RALGAPA1: variants seen among roughly 807,000 people sequenced by gnomAD.
RALGAPA1 encodes the protein Ral GTPase activating protein catalytic subunit alpha 1.
Under a neutral mutation model 269.6 loss-of-function variants are expected in RALGAPA1, and 52 were observed. The ratio of observed to expected loss-of-function variants is 0.19; its 90% CI spans 0.15 to 0.24. RALGAPA1 has a LOEUF of 0.24. Among genes scored for constraint, RALGAPA1 ranks in the 10% least tolerant of loss-of-function variants. RALGAPA1 has a pLI of 1.00. For synonymous variants in RALGAPA1, 817 were observed against 1,008.3 expected, an observed-to-expected ratio of 0.81 and a Z score of 3.60; for missense variants, 1,917 against 3,013.9, an observed-to-expected ratio of 0.64 and a Z score of 8.52.
chr14:35,647,213 C>G (rs1415862389), intron 31 of RALGAPA1, among the ~76,000 whole-genome samples: 1 of 152,040 alleles, frequency 6.6e-6, no homozygotes, highest in Non-Finnish European at 1.5e-5. Flanking sequence ...ACTGCTGGCA[C>G]GTGATTTTAA....
intron 38 of RALGAPA1, 120 bp downstream of exon 38, chr14:35,572,440 T>A: frequency 1.4e-6 from 1 of 704,998 alleles, no homozygotes. Flanking sequence ...TATGTAACAT[T>A]TACCCTCAGT....
intron 10 of RALGAPA1, among the ~76,000 whole-genome samples, chr14:35,745,715 G>A (rs2072012324): frequency 7.7e-6 from 1 of 129,764 alleles, no homozygotes; most frequent in Non-Finnish European, 1.5e-5. Context: ...AGTGAGCCGA[G>A]ATAGTGCCAC....
chr14:35,795,658 T>C lies in RALGAPA1; in HGVS notation c.106+13072A>G, dbSNP rs555755214. 3.9e-5 allele frequency among the ~76,000 whole-genome samples: 6 copies of C among 152,166 alleles called. No homozygotes were observed. The South Asian group carries it at 1.2e-3, about 32-fold the overall frequency. On this transcript the variant is annotated intron_variant, in intron 1 of 41. Coordinates refer to ENST00000680220, the MANE Select transcript of RALGAPA1 (RefSeq NM_001346249.2). ...ATAAAACTGTTTTCAAATAACTTGA[T>C]TGTATCCCGGAAAAAAGCTCAAGAA...
intron 31 of RALGAPA1, among the ~76,000 whole-genome samples, chr14:35,637,132 GATAA>G (rs949457228): frequency 2.0e-5 from 3 of 152,178 alleles, no homozygotes; most frequent in Non-Finnish European, 2.9e-5. Context: ...CGAAGACTAT[GATAA>G]ATACCTAACT....
At position 35,577,899 on chromosome 14, in the gene RALGAPA1, T is replaced by C. The variant is rs1594667362; in HGVS notation, c.7210-5181A>G. Among the ~76,000 whole-genome samples, 6 of 152,328 alleles carry C rather than the reference T, an allele frequency of 3.9e-5. No homozygotes were observed. In the South Asian group the frequency reaches 1.2e-3, roughly 32 times the overall value. On this transcript the variant is annotated intron_variant, in intron 37 of 41. Coordinates refer to ENST00000680220, the MANE Select transcript of RALGAPA1 (RefSeq NM_001346249.2). ...TCTGTTTTCCTTACTACATTGCTAA[T>C]GAGCTCTTCATTTTTTTAAAAAAGT...
chr14:35,625,440 G>C lies in RALGAPA1; in HGVS notation c.6858-8C>G. 6.3e-7 allele frequency: 1 copy of C among 1,585,936 alleles called. No individual in the cohort carries two copies. Among genetic ancestry groups the C allele is most frequent in the Non-Finnish European group, 8.6e-7 (1 of 1,161,794 alleles). On this transcript the variant is annotated splice_region_variant and splice_polypyrimidine_tract_variant and intron_variant, in intron 34 of 41. Coordinates refer to ENST00000680220, the MANE Select transcript of RALGAPA1 (RefSeq NM_001346249.2). ...AGGAGATGAAAGCTCCTCCTAAATA[G>C]AGAGATTTATAAACATTTTCATCAC...
Position 35,728,791 on chromosome 14 carries a change from G to A in RALGAPA1, c.1588-281C>T, listed in dbSNP as rs145812877. Reference sequence around the variant, plus strand: ...TTAGTCACCCAGGCTGGAATGCAGCGGTATGATTTCGGCTCACTGCAACCT... The same window carrying A: ...TTAGTCACCCAGGCTGGAATGCAGCAGTATGATTTCGGCTCACTGCAACCT... On this transcript the variant is annotated intron_variant, in intron 12 of 41. Transcript: ENST00000680220. Among the ~76,000 whole-genome samples the A allele has an allele frequency of 4.8e-4, 72 of 150,996 alleles. 1 individual carries two copies. The highest frequency in any genetic ancestry group is 6.8e-3 in the Middle Eastern group (2 of 294).
Position 35,756,862 on chromosome 14 carries a change from T to A in RALGAPA1, c.594A>T (p.Ser198=), listed in dbSNP as rs773910726. The A allele has an allele frequency of 6.2e-7, 1 of 1,611,466 alleles. No individual in the cohort carries two copies. The highest frequency in any genetic ancestry group is 8.5e-7 in the Non-Finnish European group (1 of 1,178,876). The change falls in exon 7 of 42, where the codon TCA becomes TCT. Residue 198 remains serine, a synonymous_variant. Transcript: ENST00000680220. ...TGAGATCTTCTTGCCCTTTATCTCC[T>A]GATTGTGGGGGGACAAGAGGAGTGA... ...EEITPLVPPQ[S]GDKGQEDLTS...
At chr14:35,752,562 C>T (rs945029212) in intron 7 of RALGAPA1, among the ~76,000 whole-genome samples, 3 of 152,136 alleles carry the variant, frequency 2.0e-5, no homozygotes, top group Non-Finnish European at 4.4e-5. Context: ...GAGCCTGACA[C>T]AGGACGCAGG....
At chr14:35,763,898 G>A (rs747861753) in intron 4 of RALGAPA1, among the ~76,000 whole-genome samples, 1 of 152,040 alleles carries the variant, frequency 6.6e-6, no homozygotes, top group African/African-American at 2.4e-5. Context: ...AGCCGTATAT[G>A]GGAGGGCTCT....
At chr14:35,667,376 G>A (rs1044008412) in intron 26 of RALGAPA1, among the ~76,000 whole-genome samples, 6 of 152,104 alleles carry the variant, frequency 3.9e-5, no homozygotes, top group Non-Finnish European at 8.8e-5. Flanking sequence ...CCAGTCTAGC[G>A]ACAGAGCGAG....
intron 12 of RALGAPA1, among the ~76,000 whole-genome samples, chr14:35,732,532 T>C (rs147243638): frequency 4.8e-3 from 737 of 152,138 alleles, no homozygotes; most frequent in African/African-American, 0.016. Flanking sequence ...ACAGAAGGAC[T>C]CGCATAAGTA....
chr14:35,786,623 AAAAAAAC>A (rs1357870581), intron 1 of RALGAPA1, among the ~76,000 whole-genome samples: 4 of 152,154 alleles, frequency 2.6e-5, no homozygotes, highest in African/African-American at 9.7e-5. Context: ...TCCGTCTCAA[AAAAAAAC>A]AAAAAACAAA....
chr14:35,703,011 A>G (rs72642582), intron 16 of RALGAPA1, among the ~76,000 whole-genome samples: 17,007 of 152,184 alleles, frequency 0.11, 1,575 homozygotes, highest in East Asian at 0.37. Context: ...GATAAATTAT[A>G]AGTTTTTCTT....
At chr14:35,736,958 C>T (rs538078896) in intron 12 of RALGAPA1, among the ~76,000 whole-genome samples, 83 of 151,768 alleles carry the variant, frequency 5.5e-4, no homozygotes, top group African/African-American at 1.7e-3. Flanking sequence ...ATTGGTTGAA[C>T]CTGGGAGGCA....
chr14:35,767,198 G>A (rs769219113), intron 4 of RALGAPA1: 1 of 170,356 alleles, frequency 5.9e-6, no homozygotes, highest in Non-Finnish European at 1.2e-5. Context: ...ATAAAATTCT[G>A]TTTATTCAAG....
intron 12 of RALGAPA1, among the ~76,000 whole-genome samples, chr14:35,732,449 A>T (rs1478986898): frequency 6.6e-6 from 1 of 152,212 alleles, no homozygotes; most frequent in Non-Finnish European, 1.5e-5. Context: ...GCTCCACTTA[A>T]AAGATAGAGA....
rs1369420537 is a variant in RALGAPA1, at chr14:35,808,687, C to T, written c.106+43G>A. Reference sequence around the variant, plus strand: ...GCAGGGGCTCCCAGGAGAGGGAAGGCCGGGCAACCCAGGCCTCGGCGCTGC... The same window carrying T: ...GCAGGGGCTCCCAGGAGAGGGAAGGTCGGGCAACCCAGGCCTCGGCGCTGC... On this transcript the variant is annotated intron_variant, in intron 1 of 41. Transcript: ENST00000680220. 5 of 1,576,532 alleles carry T rather than the reference C, an allele frequency of 3.2e-6. No homozygotes were observed. In the South Asian group the frequency reaches 4.6e-5, roughly 15 times the overall value.
chr14:35,610,853 C>CA (rs2059886475), intron 35 of RALGAPA1, among the ~76,000 whole-genome samples: 1 of 151,788 alleles, frequency 6.6e-6, no homozygotes, highest in Non-Finnish European at 1.5e-5. Context: ...AAGCCAAAAA[C>CA]AAAAAACAAA....
Sources: gnomAD v4.1 joint callset for allele counts (sites outside exome capture counted in the v4.1 genomes callset) on GRCh38, gnomAD v4.1.1 for gene constraint, MANE v1.5 for transcripts, NCBI Gene and HGNC (gene_info 2026-07-23, HGNC 2026-07-21) for gene names.